Variants in DDR2 observed in about 807,000 individuals in gnomAD.
The protein encoded by DDR2 is discoidin domain-containing receptor 2.
Under a neutral mutation model 94.9 loss-of-function variants are expected in DDR2, and 27 were observed. That is an observed-to-expected ratio of 0.28 (90% confidence interval 0.21 to 0.39). The LOEUF is 0.39. Ranked by LOEUF, DDR2 falls within the 10% of genes least tolerant of loss-of-function variation. The probability of loss-of-function intolerance (pLI) is 1.00; values close to 1 mark genes in which losing one functional copy is unlikely to be tolerated. For missense variants in DDR2, 783 were observed against 1,076.0 expected (o/e 0.73, Z 3.81); for synonymous variants, 382 against 377.2 (o/e 1.01, Z -0.15).
intron 3 of DDR2, among the ~76,000 whole-genome samples, chr1:162,723,656 T>C (rs1661523745): frequency 6.6e-6 from 1 of 152,184 alleles, no homozygotes; most frequent in Non-Finnish European, 1.5e-5. Context: ...CTTGTTCTTA[T>C]TCCCCTGACT....
At chr1:162,737,420 G>C (rs1224992695) in intron 3 of DDR2, among the ~76,000 whole-genome samples, 1 of 127,536 alleles carries the variant, frequency 7.8e-6, no homozygotes, top group Non-Finnish European at 1.7e-5. Context: ...TTGGGTTTTT[G>C]TTCTTGCAAT....
intron 2 of DDR2, among the ~76,000 whole-genome samples, chr1:162,697,277 C>T (rs1277604037): frequency 6.6e-6 from 1 of 151,986 alleles, no homozygotes; most frequent in Non-Finnish European, 1.5e-5. Context: ...CAGGAGTGCA[C>T]AGAGCACCTC....
chr1:162,746,336 T>C lies in DDR2; in HGVS notation c.83-6759T>C, dbSNP rs979631221. Among the ~76,000 whole-genome samples, 8 of 152,320 alleles carry C rather than the reference T, an allele frequency of 5.3e-5. No individual in the cohort carries two copies. The East Asian group carries it at 1.5e-3, about 29-fold the overall frequency. ...AGGAGATTATATCCTGCGCCTGGCT[T>C]GGAGGGTCCCACGCCCACGGAGCCT... is the stretch of plus-strand genomic sequence containing the variant. On this transcript the variant is annotated intron_variant, in intron 3 of 17. Coordinates refer to ENST00000367921, the MANE Select transcript of DDR2 (RefSeq NM_006182.4).
intron 2 of DDR2, among the ~76,000 whole-genome samples, chr1:162,703,891 C>T (rs1421825632): frequency 1.3e-5 from 2 of 152,140 alleles, no homozygotes; most frequent in African/African-American, 4.8e-5. Flanking sequence ...ATGCCGGGAT[C>T]CCCATGGGAT....
chr1:162,638,761 G>A (rs1656966901), intron 1 of DDR2, among the ~76,000 whole-genome samples: 1 of 152,116 alleles, frequency 6.6e-6, no homozygotes, highest in South Asian at 2.1e-4. Context: ...GAGAGTAGTG[G>A]GAGCTAAATT....
chr1:162,704,699 C>T (rs61811980), intron 2 of DDR2, among the ~76,000 whole-genome samples: 14,134 of 152,138 alleles, frequency 0.093, 723 homozygotes, highest in Non-Finnish European at 0.11. Flanking sequence ...GAGGGTGCCA[C>T]CCTCATGACC....
rs940273983 is a variant in DDR2, at chr1:162,711,770, T to TTA, written c.-27-7256_-27-7255dup. On this transcript the variant is annotated intron_variant, in intron 2 of 17. Coordinates refer to ENST00000367921, the MANE Select transcript of DDR2 (RefSeq NM_006182.4). ...ATATCTATATCATTTGAATATATAT[T>TTA]TATATATATATACACACACATACAT... Among the ~76,000 whole-genome samples, 229 of 151,438 alleles carry TTA rather than the reference T, an allele frequency of 1.5e-3. 1 individual carries two copies. The highest frequency in any genetic ancestry group is 5.0e-3 in the African/African-American group (208 of 41,350).
intron 9 of DDR2, 122 bp from the exon 10 acceptor site, chr1:162,765,879 T>C: frequency 1.2e-6 from 1 of 868,136 alleles, no homozygotes; most frequent in Non-Finnish European, 1.9e-6. Context: ...TTTATCTTTT[T>C]AAAAGACTGA....
intron 1 of DDR2, among the ~76,000 whole-genome samples, chr1:162,647,681 T>C (rs541952957): frequency 1.3e-5 from 2 of 152,306 alleles, no homozygotes; most frequent in Non-Finnish European, 2.9e-5. Flanking sequence ...CTATATGAGG[T>C]AACTTCCAGA....
intron 9 of DDR2, among the ~76,000 whole-genome samples, chr1:162,762,535 G>A (rs147793912): frequency 4.5e-4 from 68 of 152,068 alleles, no homozygotes; most frequent in Middle Eastern, 3.4e-3. Flanking sequence ...ATTTCACTAG[G>A]GTTGCTAAAT....
chr1:162,756,787 T>A (rs1663484304), intron 7 of DDR2, among the ~76,000 whole-genome samples: 1 of 152,200 alleles, frequency 6.6e-6, no homozygotes, highest in Non-Finnish European at 1.5e-5. Flanking sequence ...ATCTTCTTAA[T>A]CACTGTTCTT....
At chr1:162,722,333 G>A (rs541665815) in intron 3 of DDR2, among the ~76,000 whole-genome samples, 4 of 152,284 alleles carry the variant, frequency 2.6e-5, no homozygotes, top group Non-Finnish European at 4.4e-5. Context: ...CGTAGGCTAC[G>A]CAAGTCTTTG....
At chr1:162,699,080 CG>C (rs951994271) in intron 2 of DDR2, among the ~76,000 whole-genome samples, 2 of 152,158 alleles carry the variant, frequency 1.3e-5, no homozygotes, top group African/African-American at 4.8e-5. Flanking sequence ...GCTCCCATGA[CG>C]GGAGATTCAG....
intron 2 of DDR2, among the ~76,000 whole-genome samples, chr1:162,669,925 A>C (rs1213020007): frequency 6.6e-6 from 1 of 152,246 alleles, no homozygotes; most frequent in Non-Finnish European, 1.5e-5. Context: ...TGCTAGCACA[A>C]AGTGAAGGGC....
chr1:162,662,804 C>G (rs73018579), intron 2 of DDR2, among the ~76,000 whole-genome samples: 4,170 of 151,826 alleles, frequency 0.027, 189 homozygotes, highest in African/African-American at 0.095. Flanking sequence ...GGATTGATTG[C>G]GATTCAGTAG....
chr1:162,702,912 ACT>A (rs533579362), intron 2 of DDR2, among the ~76,000 whole-genome samples: 79 of 147,818 alleles, frequency 5.3e-4, no homozygotes, highest in Admixed American at 4.0e-4. Context: ...GGTCTTTTAT[ACT>A]CTCTCTCTCT....
At position 162,644,779 on chromosome 1, in the gene DDR2, A is replaced by G. The variant is rs147328682; in HGVS notation, c.-191-10432A>G. Among the ~76,000 whole-genome samples, 371 of 152,138 alleles carry G rather than the reference A, an allele frequency of 2.4e-3. 2 individuals carry two copies. Among genetic ancestry groups the G allele is most frequent in the African/African-American group, 8.5e-3 (351 of 41,516 alleles). On this transcript the variant is annotated intron_variant, in intron 1 of 17. Coordinates refer to ENST00000367921, the MANE Select transcript of DDR2 (RefSeq NM_006182.4). ...ACCTGGCTAATTTTGTATTTTTAGC[A>G]GACAGGGGGTTTCACTCTGTTGGCC...
Position 162,785,803 on chromosome 1 carries a change from T to C in DDR2, c.*5557T>C, listed in dbSNP as rs1648124904. On this transcript the variant is annotated 3_prime_UTR_variant, in exon 18 of 18. Coordinates refer to ENST00000367921, the MANE Select transcript of DDR2 (RefSeq NM_006182.4). ...TGTTCCTGGTGAAGTGCATTCTCTG[T>C]TTGTATACTTTTTGATGGAGAAATT... The C allele has an allele frequency of 6.6e-6, 1 of 152,222 alleles. No homozygotes were observed. The highest frequency in any genetic ancestry group is 1.5e-5 in the Non-Finnish European group (1 of 68,042). The allele number at this position is 152,222 out of a possible 1,614,324, so 9.4% of individuals were successfully genotyped here. A position where few individuals can be genotyped will look rare whatever the true frequency, so the allele number is the denominator to read the frequency against.
Position 162,781,303 on chromosome 1 carries a change from C to T in DDR2, c.*1057C>T, listed in dbSNP as rs1164763115. 6.6e-6 allele frequency: 1 copy of T among 152,118 alleles called. No homozygotes were observed. The highest frequency in any genetic ancestry group is 1.5e-5 in the Non-Finnish European group (1 of 68,052). 9.4% of individuals were successfully genotyped at this position (152,118 alleles called of 1,614,324 possible). A position where few individuals can be genotyped will look rare whatever the true frequency, so the allele number is the denominator to read the frequency against. ...AGGCATAAATACCTAATGGCCTTGT[C>T]TAAGAGGGAATAGATCTGTTCTGAG... is the stretch of plus-strand genomic sequence containing the variant. On this transcript the variant is annotated 3_prime_UTR_variant, in exon 18 of 18. Coordinates refer to ENST00000367921, the MANE Select transcript of DDR2 (RefSeq NM_006182.4).
Sources: allele counts gnomAD v4.1 joint callset (sites outside exome capture counted in the v4.1 genomes callset), GRCh38; gene constraint gnomAD v4.1.1; transcripts MANE v1.5; gene names NCBI Gene and HGNC (gene_info 2026-07-23, HGNC 2026-07-21).